The following ADARB1 variants were observed in gnomAD, a reference collection of about 807,000 sequenced individuals.
The protein encoded by ADARB1 is adenosine deaminase RNA specific B1, also known as double-stranded RNA-specific editase 1.
Under a neutral mutation model 52.4 loss-of-function variants are expected in ADARB1, and 10 were observed. That is an observed-to-expected ratio of 0.19 (90% CI 0.12 to 0.32). ADARB1 has a LOEUF of 0.32. Ranked by LOEUF, ADARB1 falls within the 10% of genes least tolerant of loss-of-function variation. The probability of loss-of-function intolerance (pLI) is 1.00; values close to 1 mark genes in which losing one functional copy is unlikely to be tolerated. For synonymous variants in ADARB1, 349 were observed against 371.1 expected, an observed-to-expected ratio of 0.94 and a Z score of 0.68; for missense variants, 643 against 922.3, an observed-to-expected ratio of 0.70 and a Z score of 3.92.
intron 2 of ADARB1, among the ~76,000 whole-genome samples, chr21:45,155,399 A>C (rs1234131443): frequency 2.0e-5 from 3 of 152,008 alleles, no homozygotes; most frequent in African/African-American, 7.3e-5. Context: ...GCCAGCCATG[A>C]CTCTCACCTT....
intron 4 of ADARB1, chr21:45,177,450 T>C (rs1285497034): frequency 6.6e-6 from 1 of 152,238 alleles, no homozygotes; most frequent in African/African-American, 2.4e-5. Flanking sequence ...AGGGTGGGCT[T>C]AGATTGGCTT....
At chr21:45,183,275 T>C (rs2091990801) in intron 6 of ADARB1, 87 bp from the exon 7 acceptor site, 1 of 1,290,078 alleles carries the variant, frequency 7.8e-7, no homozygotes, top group Non-Finnish European at 1.0e-6. Flanking sequence ...CTTTCCCTTG[T>C]GGAAAATACT....
intron 1 of ADARB1, among the ~76,000 whole-genome samples, chr21:45,116,284 T>C (rs977347635): frequency 2.0e-5 from 3 of 152,284 alleles, no homozygotes; most frequent in African/African-American, 7.2e-5. Context: ...CCTGCGCCTG[T>C]GCTTGCTGCG....
intron 9 of ADARB1, among the ~76,000 whole-genome samples, chr21:45,209,130 G>A (rs1340676883): frequency 6.6e-6 from 1 of 152,038 alleles, no homozygotes; most frequent in Non-Finnish European, 1.5e-5. Flanking sequence ...ATCCAAACTT[G>A]GGAAAAGCTG....
intron 8 of ADARB1, among the ~76,000 whole-genome samples, chr21:45,191,284 C>G (rs1216844423): frequency 1.3e-5 from 2 of 152,154 alleles, no homozygotes; most frequent in Non-Finnish European, 2.9e-5. Flanking sequence ...TTTTGTTATA[C>G]CAGTGTTATT....
intron 1 of ADARB1, among the ~76,000 whole-genome samples, chr21:45,124,662 G>A (rs2088445459): frequency 6.6e-6 from 1 of 152,132 alleles, no homozygotes; most frequent in African/African-American, 2.4e-5. Context: ...CCATGCATGA[G>A]CTACTGCATC....
chr21:45,117,196 C>T (rs936483147), intron 1 of ADARB1, among the ~76,000 whole-genome samples: 3 of 152,208 alleles, frequency 2.0e-5, no homozygotes, highest in African/African-American at 7.2e-5. Context: ...AGATGCTCTT[C>T]CCAGCCTCCT....
intron 1 of ADARB1, among the ~76,000 whole-genome samples, chr21:45,114,451 G>A (rs1013671563): frequency 3.9e-5 from 6 of 152,202 alleles, no homozygotes; most frequent in South Asian, 2.1e-4. Flanking sequence ...GGGCAGGTGC[G>A]TAGCCTGTGT....
intron 4 of ADARB1, among the ~76,000 whole-genome samples, chr21:45,177,881 A>AT (rs1225620976): frequency 1.3e-5 from 2 of 152,158 alleles, no homozygotes; most frequent in Non-Finnish European, 1.5e-5. Context: ...TATTTCACTG[A>AT]TTTTTTTAAC....
At position 45,222,477 on chromosome 21, in the gene ADARB1, T is replaced by C; in HGVS notation, c.*280T>C. 1.7e-6 allele frequency: 2 copies of C among 1,206,868 alleles called. No homozygotes were observed. Among genetic ancestry groups the C allele is most frequent in the Non-Finnish European group, 2.1e-6 (2 of 971,408 alleles). The allele number at this position is 1,206,868 out of a possible 1,614,324, so 74.8% of individuals were successfully genotyped here. The stretch of plus-strand genomic sequence containing the variant: ...TGAACCGTCCAGTGACTGCTTTCAA[T>C]CTCGGTTTACGTTTAGAAATTGAGT... On this transcript the variant is annotated 3_prime_UTR_variant, in exon 11 of 11. Coordinates refer to ENST00000348831, the MANE Select transcript of ADARB1 (RefSeq NM_001112.4).
At chr21:45,105,601 A>G (rs549913226) in intron 1 of ADARB1, among the ~76,000 whole-genome samples, 5 of 152,356 alleles carry the variant, frequency 3.3e-5, no homozygotes, top group Non-Finnish European at 7.3e-5. Flanking sequence ...TAAGTGCCCT[A>G]AGGAAATAAG....
At chr21:45,079,671 G>A (rs925086525) in intron 1 of ADARB1, among the ~76,000 whole-genome samples, 1 of 152,202 alleles carries the variant, frequency 6.6e-6, no homozygotes, top group Non-Finnish European at 1.5e-5. Flanking sequence ...AACTTGTCAG[G>A]GTTGTTGAGT....
chr21:45,182,175 C>G (rs2091954132), intron 5 of ADARB1, among the ~76,000 whole-genome samples: 1 of 152,048 alleles, frequency 6.6e-6, no homozygotes, highest in Admixed American at 6.5e-5. Context: ...CCCCTCCTTC[C>G]TAATCTCTTC....
At position 45,176,321 on chromosome 21, in the gene ADARB1, G is replaced by A. The variant is rs2091693859; in HGVS notation, c.620G>A (p.Ser207Asn). The A allele has an allele frequency of 1.2e-6, 2 of 1,614,082 alleles. No individual in the cohort carries two copies. The highest frequency in any genetic ancestry group is 2.2e-5 in the East Asian group (1 of 44,878). The change falls in exon 4 of 11, where the codon AGC (serine) becomes AAC (asparagine). Residue 207 changes from serine (S) to asparagine (N), a missense_variant. Ser to Asn is a conservative substitution (Grantham distance 46). This residue lies in a region of ADARB1 where 380 missense variants were observed against 446.5 expected (regional missense o/e 0.85). Coordinates refer to ENST00000348831, the MANE Select transcript of ADARB1 (RefSeq NM_001112.4). The surrounding 1 kb of genome is among the most constrained non-coding windows in gnomAD (Gnocchi z 5.8). ...DDSFSSSGDL[S>N]LSASPVPASL... ...TCCTTCAGTTCCAGCGGGGACCTCA[G>A]CTTGTCTGCTTCCCCGGTGCCTGCC...
chr21:45,118,146 T>G (rs1452560602), intron 1 of ADARB1, among the ~76,000 whole-genome samples: 4 of 152,246 alleles, frequency 2.6e-5, no homozygotes, highest in Non-Finnish European at 4.4e-5. Flanking sequence ...TGAAATGTAA[T>G]TCTGCCTCAC....
chr21:45,124,816 T>TGA (rs1555891593), intron 1 of ADARB1, among the ~76,000 whole-genome samples: 51 of 150,720 alleles, frequency 3.4e-4, no homozygotes, highest in East Asian at 7.8e-4. Flanking sequence ...TGTGTGTGTG[T>TGA]GACAGGGTCT....
At chr21:45,195,948 G>A (rs2092415371) in intron 8 of ADARB1, among the ~76,000 whole-genome samples, 1 of 152,210 alleles carries the variant, frequency 6.6e-6, no homozygotes, top group South Asian at 2.1e-4. Context: ...AAAATAACTT[G>A]TTGAAATATT....
At chr21:45,149,913 C>T (rs768289530) in intron 2 of ADARB1, among the ~76,000 whole-genome samples, 3 of 152,168 alleles carry the variant, frequency 2.0e-5, no homozygotes, top group Non-Finnish European at 4.4e-5. Flanking sequence ...GACATGGCCA[C>T]GAAGTCTAAA....
At chr21:45,151,859 T>C (rs554317142) in intron 2 of ADARB1, among the ~76,000 whole-genome samples, 142 of 152,356 alleles carry the variant, frequency 9.3e-4, no homozygotes, top group African/African-American at 3.3e-3. Context: ...GCTGTGCTGA[T>C]CAAGCCAGGC....
Sources: gnomAD v4.1 joint callset for allele counts (sites outside exome capture counted in the v4.1 genomes callset) on GRCh38, gnomAD v4.1.1 for gene constraint, gnomAD v4.1.1 regional missense constraint, Gnocchi (gnomAD v3.1) non-coding constraint, MANE v1.5 for transcripts, NCBI Gene and HGNC (gene_info 2026-07-23, HGNC 2026-07-21) for gene names.